The following SECISBP2 variants were observed in gnomAD, a reference collection of about 807,000 sequenced individuals.
SECISBP2 encodes selenocysteine insertion sequence-binding protein 2.
In SECISBP2, 96 loss-of-function variants were observed where a neutral mutation model predicts 98.2. The ratio of observed to expected loss-of-function variants is 0.98; its 90% CI spans 0.83 to 1.16. The LOEUF (loss-of-function observed/expected upper bound fraction) is 1.16, where lower values mean the gene tolerates loss of function less well. SECISBP2 is among the 50% of genes most tolerant of loss of function. The pLI is 0.00. For missense variants in SECISBP2, 1,046 were observed against 1,022.9 expected (o/e 1.02, Z -0.31); for synonymous variants, 407 against 370.2 (o/e 1.10, Z -1.14).
At chr9:89,345,216 G>C (rs1397860770) in intron 10 of SECISBP2, among the ~76,000 whole-genome samples, 1 of 152,200 alleles carries the variant, frequency 6.6e-6, no homozygotes, top group Non-Finnish European at 1.5e-5. Context: ...CCTGTCTGTT[G>C]CTTGACTGTT....
Position 89,319,653 on chromosome 9 carries a change from G to A in SECISBP2, c.38G>A (p.Gly13Asp), listed in dbSNP as rs373683691. The change falls in exon 2 of 17, where the codon GGC (glycine) becomes GAC (aspartate). Residue 13 changes from glycine to aspartate, a missense_variant and splice_region_variant. Physicochemically the swap from Gly to Asp is moderately conservative, Grantham distance 94. Transcript: ENST00000375807. ...CCAAAACCTCATATTTTTCCTCAGG[G>A]CATCAAGTTATCAGCAGATGTCAAA... ...SEGPREPESE[G>D]IKLSADVKPF... is the part of the protein sequence containing the mutation. 203 of 1,614,090 alleles carry A rather than the reference G, an allele frequency of 1.3e-4. 8 individuals carry two copies. In the South Asian group the frequency reaches 2.2e-3, roughly 17 times the overall value.
intron 2 of SECISBP2, chr9:89,323,417 G>A (rs1381467770): frequency 1.3e-5 from 2 of 152,726 alleles, no homozygotes; most frequent in Non-Finnish European, 2.9e-5. Flanking sequence ...ATAGAGCCTT[G>A]GAGGGCAGGT....
chr9:89,349,262 C>T (rs191859347), intron 12 of SECISBP2, among the ~76,000 whole-genome samples: 2 of 152,292 alleles, frequency 1.3e-5, no homozygotes, highest in Non-Finnish European at 2.9e-5. Flanking sequence ...GGACAGTAAG[C>T]TATCACTGCA....
downstream of SECISBP2, chr9:89,363,818 C>A: frequency 1.2e-6 from 2 of 1,614,150 alleles, no homozygotes; most frequent in African/African-American, 1.3e-5. Flanking sequence ...ATACTCAGCG[C>A]TTTCCCTGAT....
At chr9:89,363,477 C>T (rs1420520875), downstream of SECISBP2, 3 of 1,614,016 alleles carry the variant, frequency 1.9e-6, no homozygotes, top group African/African-American at 1.3e-5. Context: ...TCCCCAGCCA[C>T]AGCCCTCCAG....
chr9:89,334,562 A>G lies in SECISBP2; in HGVS notation c.921A>G (p.Thr307=). 1 of 1,614,200 alleles carries G rather than the reference A, an allele frequency of 6.2e-7. No homozygotes were observed. Among genetic ancestry groups the G allele is most frequent in the Non-Finnish European group, 8.5e-7 (1 of 1,180,034 alleles). The change falls in exon 7 of 17, where the codon ACA becomes ACG. Residue 307 remains threonine (T), a synonymous_variant. Transcript: ENST00000375807. ...WTPMGYVVRQ[T]LSTELSAAPK... is the part of the protein sequence containing the mutation. ...CAATGGGTTATGTTGTTCGACAGACATTATCTACAGAACTGTCAGCAGCCC... is the reference window on the plus strand; with the variant it reads ...CAATGGGTTATGTTGTTCGACAGACGTTATCTACAGAACTGTCAGCAGCCC...
In SECISBP2 at chr9:89,339,963, A is replaced by G; in HGVS notation, c.1302+10A>G. The G allele has an allele frequency of 6.3e-7, 1 of 1,588,782 alleles. No individual in the cohort carries two copies. Among genetic ancestry groups the G allele is most frequent in the Non-Finnish European group, 8.6e-7 (1 of 1,157,284 alleles). On this transcript the variant is annotated intron_variant, in intron 9 of 16. Transcript: ENST00000375807. ...TAAGCAGCAGCCACAGGTAATTTTTAGATTGAAACCACAAATTGCTTTAGG... is the reference window on the plus strand; with the variant it reads ...TAAGCAGCAGCCACAGGTAATTTTTGGATTGAAACCACAAATTGCTTTAGG...
chr9:89,346,304 T>C (rs895602837), intron 10 of SECISBP2, among the ~76,000 whole-genome samples: 4 of 152,360 alleles, frequency 2.6e-5, no homozygotes, highest in African/African-American at 9.6e-5. Flanking sequence ...AATAATTTAC[T>C]GACTATGTAG....
intron 11 of SECISBP2, 130 bp downstream of exon 11, chr9:89,347,178 G>T: frequency 1.1e-6 from 1 of 914,984 alleles, no homozygotes; most frequent in Non-Finnish European, 1.7e-6. Context: ...AGTAAAACGT[G>T]TTAATGATAC....
the SECISBP2 span, chr9:89,365,160 A>G: frequency 1.3e-5 from 2 of 152,296 alleles, no homozygotes; most frequent in South Asian, 2.1e-4. Flanking sequence ...GGGGGGCCAC[A>G]GTCCCACTAA....
chr9:89,321,989 A>G (rs1007276716), intron 2 of SECISBP2, among the ~76,000 whole-genome samples: 13 of 152,244 alleles, frequency 8.5e-5, no homozygotes, highest in South Asian at 8.3e-4. Context: ...TTGTTCAACT[A>G]CATAGCATCC....
At chr9:89,363,066 A>G (rs1832953484), downstream of SECISBP2, among the ~76,000 whole-genome samples, 9 of 152,264 alleles carry the variant, frequency 5.9e-5, no homozygotes, top group South Asian at 1.9e-3. Flanking sequence ...AGGGTTCCCC[A>G]TCTGTCCAGG....
At chr9:89,322,905 G>A (rs1040530679) in intron 2 of SECISBP2, 3 of 152,114 alleles carry the variant, frequency 2.0e-5, no homozygotes, top group Non-Finnish European at 1.5e-5. Flanking sequence ...AGGCAATAGG[G>A]AACTTTTGGT....
At position 89,334,182 on chromosome 9, in the gene SECISBP2, A is replaced by G. The variant is rs1828235687; in HGVS notation, c.881-340A>G. 10 of 1,180,972 alleles carry G rather than the reference A, an allele frequency of 8.5e-6. No homozygotes were observed. The Admixed American group carries it at 2.2e-4, about 26-fold the overall frequency. 73.2% of individuals were successfully genotyped at this position (1,180,972 alleles called of 1,614,324 possible). A position where few individuals can be genotyped will look rare whatever the true frequency, so the allele number is the denominator to read the frequency against. On this transcript the variant is annotated intron_variant, in intron 6 of 16. Coordinates refer to ENST00000375807, the MANE Select transcript of SECISBP2 (RefSeq NM_024077.5). ...TTAGTAGGGCCAAAATTTGATCTTTAGTTCGTTAATTCTGTGTGCTTGCCA... is the reference window on the plus strand; with the variant it reads ...TTAGTAGGGCCAAAATTTGATCTTTGGTTCGTTAATTCTGTGTGCTTGCCA...
At chr9:89,318,961 G>C (rs1459113008) in intron 1 of SECISBP2, 1 of 1,122,310 alleles carries the variant, frequency 8.9e-7, no homozygotes, top group African/African-American at 1.6e-5. Flanking sequence ...AAAGGATCCT[G>C]CGTTTTTCTG....
At chr9:89,337,904 CA>C (rs1829031321) in intron 7 of SECISBP2, among the ~76,000 whole-genome samples, 1 of 152,334 alleles carries the variant, frequency 6.6e-6, no homozygotes, top group East Asian at 1.9e-4. Flanking sequence ...CCAGCTTAGC[CA>C]AATTCTAGTG....
At chr9:89,318,905 G>C (rs1473853789) in intron 1 of SECISBP2, 1 of 1,234,048 alleles carries the variant, frequency 8.1e-7, no homozygotes, top group Non-Finnish European at 1.0e-6. Flanking sequence ...GGGGCGGGGG[G>C]ACTCTGGCGA....
At chr9:89,363,820 T>G (rs772739892), downstream of SECISBP2, 3 of 1,614,140 alleles carry the variant, frequency 1.9e-6, no homozygotes, top group Non-Finnish European at 2.5e-6. Context: ...ACTCAGCGCT[T>G]TCCCTGATGG....
chr9:89,329,018 C>T (rs1827265255), intron 5 of SECISBP2, 132 bp downstream of exon 5: 2 of 746,552 alleles, frequency 2.7e-6, no homozygotes, highest in Admixed American at 4.6e-5. Context: ...TGGGGGAAGC[C>T]TTTCATTGTG....
Sources: gnomAD v4.1 joint callset for allele counts (sites outside exome capture counted in the v4.1 genomes callset) on GRCh38, gnomAD v4.1.1 for gene constraint, MANE v1.5 for transcripts, NCBI Gene and HGNC (gene_info 2026-07-23, HGNC 2026-07-21) for gene names.